Variants in CNTNAP5 observed in about 807,000 individuals in gnomAD.
The protein encoded by CNTNAP5 is contactin-associated protein-like 5.
Under a neutral mutation model 150.2 loss-of-function variants are expected in CNTNAP5, and 72 were observed. The ratio of observed to expected loss-of-function variants is 0.48; its 90% CI spans 0.40 to 0.58. The LOEUF (loss-of-function observed/expected upper bound fraction) is 0.58. CNTNAP5 is among the 20% of genes least tolerant of loss of function. The pLI, the probability that CNTNAP5 is intolerant of heterozygous loss-of-function variation, is 0.00. For missense variants in CNTNAP5, 1,636 were observed against 1,626.2 expected, an observed-to-expected ratio of 1.01 and a Z score of -0.10; for synonymous variants, 672 against 619.8, an observed-to-expected ratio of 1.08 and a Z score of -1.25.
At chr2:124,245,465 T>C (rs1249750368) in intron 3 of CNTNAP5, among the ~76,000 whole-genome samples, 1 of 152,080 alleles carries the variant, frequency 6.6e-6, no homozygotes, top group African/African-American at 2.4e-5. Flanking sequence ...ACAAAAGGTT[T>C]TGCAAAACTG....
intron 4 of CNTNAP5, among the ~76,000 whole-genome samples, chr2:124,419,524 A>G (rs895238801): frequency 6.6e-6 from 1 of 152,204 alleles, no homozygotes; most frequent in Non-Finnish European, 1.5e-5. Flanking sequence ...GAGGTCTGCT[A>G]AAGCCCAGTT....
At chr2:124,232,607 C>A (rs1477490104) in intron 2 of CNTNAP5, among the ~76,000 whole-genome samples, 1 of 152,074 alleles carries the variant, frequency 6.6e-6, no homozygotes, top group African/African-American at 2.4e-5. Context: ...TTCATGGTGA[C>A]CCCCTCCTCA....
In CNTNAP5 at chr2:124,838,735, G is replaced by A. The variant is rs116772400; in HGVS notation, c.3218-26571G>A. On this transcript the variant is annotated intron_variant, in intron 19 of 23. Transcript: ENST00000682447. ...TGCTGCTGTTGGTTTGCCAACTGTA[G>A]CAAATAATATTTCACAAAAAAATAG... Among the ~76,000 whole-genome samples the A allele has an allele frequency of 5.1e-3, 783 of 152,172 alleles. 12 individuals carry two copies. Among genetic ancestry groups the A allele is most frequent in the African/African-American group, 0.018 (732 of 41,530 alleles).
At chr2:124,170,596 T>C (rs924908276) in intron 1 of CNTNAP5, among the ~76,000 whole-genome samples, 1 of 152,026 alleles carries the variant, frequency 6.6e-6, no homozygotes, top group African/African-American at 2.4e-5. Flanking sequence ...AGGAGTGCCC[T>C]GGGTAAGCTA....
intron 1 of CNTNAP5, among the ~76,000 whole-genome samples, chr2:124,115,833 T>C (rs1683417060): frequency 2.0e-5 from 3 of 149,130 alleles, no homozygotes; most frequent in African/African-American, 7.5e-5. Flanking sequence ...TGTGTAGAGA[T>C]GAGGTTTCAC....
At chr2:124,299,603 G>A (rs1487694069) in intron 3 of CNTNAP5, among the ~76,000 whole-genome samples, 1 of 147,172 alleles carries the variant, frequency 6.8e-6, no homozygotes, top group African/African-American at 2.5e-5. Flanking sequence ...GAGCATTTAG[G>A]TCGATTCCAT....
At chr2:124,803,337 A>G (rs944946347) in intron 19 of CNTNAP5, among the ~76,000 whole-genome samples, 4 of 152,148 alleles carry the variant, frequency 2.6e-5, no homozygotes, top group Non-Finnish European at 5.9e-5. Context: ...TCACGAAAAT[A>G]AAGATTATTT....
At chr2:124,498,707 G>A (rs1694206801) in intron 7 of CNTNAP5, among the ~76,000 whole-genome samples, 1 of 152,094 alleles carries the variant, frequency 6.6e-6, no homozygotes, top group African/African-American at 2.4e-5. Context: ...CCTGCATCAA[G>A]ACAGGAATTA....
At chr2:124,225,832 C>A (rs539570040) in intron 2 of CNTNAP5, among the ~76,000 whole-genome samples, 1 of 152,236 alleles carries the variant, frequency 6.6e-6, no homozygotes, top group South Asian at 2.1e-4. Flanking sequence ...TCTCTGAGTT[C>A]AACATTTTTC....
chr2:124,089,965 G>C (rs934157936), intron 1 of CNTNAP5, among the ~76,000 whole-genome samples: 1 of 152,218 alleles, frequency 6.6e-6, no homozygotes, highest in Non-Finnish European at 1.5e-5. Context: ...TGCTGAGATG[G>C]CTTCTCTGTT....
At position 124,560,512 on chromosome 2, in the gene CNTNAP5, C is replaced by T. The variant is rs148695140; in HGVS notation, c.1650-2705C>T. Among the ~76,000 whole-genome samples, 238 of 65,486 alleles carry T rather than the reference C, an allele frequency of 3.6e-3. 1 individual carries two copies. The highest frequency in any genetic ancestry group is 0.012 in the African/African-American group (222 of 18,004). The allele number at this position is 65,486 out of a possible 152,430, so 43.0% of individuals were successfully genotyped here. On this transcript the variant is annotated intron_variant, in intron 10 of 23. Transcript: ENST00000682447. ...CCAGCCTGGGTGACAGAGCAAGACT[C>T]CATTTCAAAAAAAAAAAAAAAAAAC...
At chr2:124,856,030 G>A (rs140385669) in intron 19 of CNTNAP5, among the ~76,000 whole-genome samples, 171 of 151,886 alleles carry the variant, frequency 1.1e-3, no homozygotes, top group African/African-American at 3.6e-3. Flanking sequence ...ACGTTGCTGC[G>A]AATGCCATTT....
rs372808438 is a variant in CNTNAP5 at position 124,858,804 on chromosome 2, T to A, written c.3218-6502T>A. On this transcript the variant is annotated intron_variant, in intron 19 of 23. Coordinates refer to ENST00000682447, the MANE Select transcript of CNTNAP5 (RefSeq NM_001367498.1). ...AAAGAAGCAGCAAAGTAAGAGCAAA[T>A]CAAAGCCAAAATTAGTAGAAGAAAA... is the stretch of plus-strand genomic sequence containing the variant. 9.9e-4 allele frequency among the ~76,000 whole-genome samples: 150 copies of A among 151,988 alleles called. 1 individual carries two copies. Among genetic ancestry groups the A allele is most frequent in the African/African-American group, 3.4e-3 (143 of 41,482 alleles).
chr2:124,240,463 G>A (rs1363532721), intron 2 of CNTNAP5, among the ~76,000 whole-genome samples: 2 of 152,072 alleles, frequency 1.3e-5, no homozygotes, highest in Non-Finnish European at 2.9e-5. Flanking sequence ...AGTATGGAAA[G>A]CTGAAAACTG....
intron 1 of CNTNAP5, among the ~76,000 whole-genome samples, chr2:124,170,331 TGA>T (rs1684901342): frequency 6.6e-6 from 1 of 152,154 alleles, no homozygotes; most frequent in South Asian, 2.1e-4. Flanking sequence ...CTTTTCTTTC[TGA>T]GAGTTACCTT....
intron 17 of CNTNAP5, among the ~76,000 whole-genome samples, chr2:124,773,412 G>C (rs773565439): frequency 6.6e-6 from 1 of 152,138 alleles, no homozygotes; most frequent in Non-Finnish European, 1.5e-5. Context: ...CCCCAGTCCT[G>C]ATAATTACAG....
chr2:124,196,395 G>A (rs1685586425), intron 1 of CNTNAP5, among the ~76,000 whole-genome samples: 1 of 152,102 alleles, frequency 6.6e-6, no homozygotes, highest in Non-Finnish European at 1.5e-5. Context: ...ATATTTTGAG[G>A]GTTAAATGCC....
At chr2:124,436,156 C>T (rs1692526267) in intron 5 of CNTNAP5, among the ~76,000 whole-genome samples, 1 of 152,174 alleles carries the variant, frequency 6.6e-6, no homozygotes, top group South Asian at 2.1e-4. Flanking sequence ...GTTGGGGGTA[C>T]AGTTACTATT....
At chr2:124,855,529 A>G (rs1677353457) in intron 19 of CNTNAP5, among the ~76,000 whole-genome samples, 1 of 152,038 alleles carries the variant, frequency 6.6e-6, no homozygotes, top group Admixed American at 6.6e-5. Flanking sequence ...TATAATATTC[A>G]TATTAATAAA....
Sources: allele counts gnomAD v4.1 joint callset (sites outside exome capture counted in the v4.1 genomes callset), GRCh38; gene constraint gnomAD v4.1.1; transcripts MANE v1.5; gene names NCBI Gene and HGNC (gene_info 2026-07-23, HGNC 2026-07-21).